The following LILRB4 variants were observed in gnomAD, a reference collection of about 807,000 sequenced individuals.
The protein encoded by LILRB4 is leukocyte immunoglobulin like receptor B4.
LILRB4 carries 49 observed loss-of-function variants against 55.2 expected under a neutral mutation model. The observed-to-expected ratio is 0.89, with a 90% CI of 0.71 to 1.13. The LOEUF (loss-of-function observed/expected upper bound fraction) is 1.13, where lower values mean the gene tolerates loss of function less well. Among genes scored for constraint, LILRB4 ranks in the 50% most tolerant of loss-of-function variants. LILRB4 has a pLI of 0.00. For missense variants in LILRB4, 590 were observed against 555.2 expected, an observed-to-expected ratio of 1.06 and a Z score of -0.63; for synonymous variants, 229 against 213.8, an observed-to-expected ratio of 1.07 and a Z score of -0.62.
intron 1 of LILRB4, 127 bp from the exon 2 acceptor site, chr19:54,663,405 C>A: frequency 7.3e-7 from 1 of 1,361,952 alleles, no homozygotes; most frequent in South Asian, 1.5e-5. Context: ...AAGATCGCAC[C>A]ACCGCACTCC....
At chr19:54,663,463 A>AAAAAAAAAAAAAAAT in intron 1 of LILRB4, 69 bp from the exon 2 acceptor site, 1 of 1,533,540 alleles carries the variant, frequency 6.5e-7, no homozygotes, top group African/African-American at 1.4e-5. Context: ...AAAAAAAAAA[A>AAAAAAAAAAAAAAAT]ATCTCAGGGT....
intron 1 of LILRB4, among the ~76,000 whole-genome samples, chr19:54,663,270 C>A (rs540117146): frequency 2.6e-5 from 4 of 151,760 alleles, no homozygotes; most frequent in Non-Finnish European, 5.9e-5. Flanking sequence ...CACGGTGAAA[C>A]CCTGTCTCTA....
chr19:54,663,792 T>C (rs771004308), exon 3 of LILRB4: 1 of 1,614,018 alleles, frequency 6.2e-7, no homozygotes, highest in Non-Finnish European at 8.5e-7. Flanking sequence ...TGAGCCAGGC[T>C]CTGTGATCAG....
intron 1 of LILRB4, 58 bp downstream of exon 1, chr19:54,663,125 C>T: frequency 6.3e-7 from 1 of 1,575,932 alleles, no homozygotes; most frequent in Non-Finnish European, 8.7e-7. Context: ...TGCCTCACAG[C>T]CAGGCCCTGG....
rs2065220029 is a variant in LILRB4, at chr19:54,665,376, C to T, written c.757+196C>T. ...TTTCAGCTCTGACTCCCAGCTGTGC[C>T]CTCCTGGGAGAGGAGGCCTCCCAGG... On this transcript the variant is annotated intron_variant, in intron 6 of 11. Transcript: ENST00000430952. The surrounding 1 kb of genome is among the most constrained non-coding windows in gnomAD (Gnocchi z 5.5). Among the ~76,000 whole-genome samples the T allele has an allele frequency of 6.6e-6, 1 of 152,064 alleles. No homozygotes were observed. The highest frequency in any genetic ancestry group is 2.4e-5 in the African/African-American group (1 of 41,404).
At chr19:54,667,773 G>A (rs762269337) in exon 11 of LILRB4, 2 of 1,611,232 alleles carry the variant, frequency 1.2e-6, no homozygotes, top group South Asian at 1.1e-5. Flanking sequence ...GGCAGAAGAG[G>A]ACAGACAGAT....
chr19:54,664,199 A>G (rs1177277796), exon 4 of LILRB4: 1 of 1,613,008 alleles, frequency 6.2e-7, no homozygotes, highest in Admixed American at 1.7e-5. Context: ...CCTACAGTAA[A>G]CCCACCCTTT....
exon 4 of LILRB4, chr19:54,664,276 C>A (rs1442580462): frequency 2.5e-6 from 4 of 1,614,032 alleles, no homozygotes; most frequent in Non-Finnish European, 3.4e-6. Context: ...TCACGGAGCC[C>A]AATGGACACT....
rs371184551 is a variant in LILRB4, at chr19:54,663,520, A to C, written c.35-12A>C. 1.9e-6 allele frequency: 3 copies of C among 1,611,920 alleles called. No homozygotes were observed. ...TTCCGGGGCAAATCCCTCACAGGGA[A>C]CTCTCTTCCAGGGCTGAGTCTGGGC... On this transcript the variant is annotated splice_polypyrimidine_tract_variant and intron_variant, in intron 1 of 11. Transcript: ENST00000430952.
At chr19:54,664,238 A>C (rs768459998) in exon 4 of LILRB4, 156 of 1,614,024 alleles carry the variant, frequency 9.7e-5, no homozygotes, top group Non-Finnish European at 1.3e-4. Context: ...TTGTGACCTC[A>C]GGAAAGAGCG....
intron 2 of LILRB4, 32 bp downstream of exon 2, chr19:54,663,599 C>G: frequency 6.2e-7 from 1 of 1,613,100 alleles, no homozygotes; most frequent in East Asian, 2.2e-5. Flanking sequence ...CCAGGTCCCT[C>G]CTCCTCACTG....
Position 54,666,497 on chromosome 19 carries a change from G to A in LILRB4, c.988+61G>A. On this transcript the variant is annotated intron_variant, in intron 9 of 11. Coordinates refer to ENST00000430952, the Ensembl canonical transcript of LILRB4. The surrounding 1 kb of genome is among the most constrained non-coding windows in gnomAD (Gnocchi z 4.8). ...AGCTGGGGGTCCCAAAATTTCAATA[G>A]CAATGGGGGCAGGAGCACAGGCTAG... The A allele has an allele frequency of 3.8e-6, 6 of 1,578,886 alleles. No individual in the cohort carries two copies. The highest frequency in any genetic ancestry group is 1.3e-5 in the African/African-American group (1 of 74,310).
rs775772819 is a variant in LILRB4 at position 54,666,264 on chromosome 19, G to A, written c.899G>A (p.Arg300His). 1.3e-5 allele frequency: 21 copies of A among 1,606,464 alleles called. No homozygotes were observed. The highest frequency in any genetic ancestry group is 9.4e-5 in the African/African-American group (7 of 74,638). ...GCCCAGAGACAGGCTGATTTCCAACGTCCTCCAGGGGCTGCCGAGCCAGAG... is the reference window on the plus strand; with the variant it reads ...GCCCAGAGACAGGCTGATTTCCAACATCCTCCAGGGGCTGCCGAGCCAGAG... Residue 300 changes from arginine to histidine, a missense_variant, in exon 8 of 12, where the codon CGT becomes CAT. Physicochemically the swap from Arg to His is conservative, Grantham distance 29. Coordinates refer to ENST00000430952, the Ensembl canonical transcript of LILRB4. This position sits in a 1 kb window ranked among gnomAD's most constrained non-coding sequence, Gnocchi z 4.8.
chr19:54,663,006 A>G (rs752778674), exon 1 of LILRB4: 1 of 1,614,030 alleles, frequency 6.2e-7, no homozygotes, highest in South Asian at 1.1e-5. Flanking sequence ...ATCCATCTGC[A>G]CAGCTGGGGC....
rs141237818 is a variant in LILRB4 at position 54,666,760 on chromosome 19, G to C, written c.1041+11G>C. On this transcript the variant is annotated intron_variant, in intron 10 of 11. Coordinates refer to ENST00000430952, the Ensembl canonical transcript of LILRB4. The surrounding 1 kb of genome is among the most constrained non-coding windows in gnomAD (Gnocchi z 4.8). ...GAAATGGACACTCGGGTGAGAACCCGCCCCTGTCCCCGGCACCAAAGGCCT... is the reference window on the plus strand; with the variant it reads ...GAAATGGACACTCGGGTGAGAACCCCCCCCTGTCCCCGGCACCAAAGGCCT... The C allele has an allele frequency of 3.7e-6, 6 of 1,613,664 alleles. No homozygotes were observed. The highest frequency in any genetic ancestry group is 1.3e-5 in the African/African-American group (1 of 74,912).
intron 2 of LILRB4, 74 bp from the exon 3 acceptor site, chr19:54,663,680 G>A (rs2065120436): frequency 1.9e-6 from 3 of 1,608,242 alleles, no homozygotes; most frequent in South Asian, 2.2e-5. Flanking sequence ...GGATGACGGG[G>A]GGGTCCTGGG....
rs1333999808 is a variant in LILRB4, at chr19:54,665,837, A to G, written c.780A>G (p.Val260=). The change falls in exon 7 of 12, where the codon GTA becomes GTG. Residue 260 remains valine, a synonymous_variant. Coordinates refer to ENST00000430952, the Ensembl canonical transcript of LILRB4. This position sits in a 1 kb window ranked among gnomAD's most constrained non-coding sequence, Gnocchi z 5.5. ...AAGGTCTGAGAAGGCACTGGGAGGT[A>G]CTGATCGGGGTCTTGGTGGTCTCCA... 1.2e-6 allele frequency: 2 copies of G among 1,611,348 alleles called. No homozygotes were observed. Among genetic ancestry groups the G allele is most frequent in the African/African-American group, 2.7e-5 (2 of 74,718 alleles).
rs1188840305 is a variant in LILRB4, at chr19:54,666,738, A to C, written c.1030A>C (p.Met344Leu). ...CACACAGCCTGAGGACGGGGTGGAA[A>C]TGGACACTCGGGTGAGAACCCGCCC... is the stretch of plus-strand genomic sequence containing the variant. The change falls in exon 10 of 12, where the codon ATG (methionine) becomes CTG (leucine). Residue 344 changes from methionine (M) to leucine (L), a missense_variant. Met to Leu is a conservative substitution (Grantham distance 15). Coordinates refer to ENST00000430952, the Ensembl canonical transcript of LILRB4. The surrounding 1 kb of genome is among the most constrained non-coding windows in gnomAD (Gnocchi z 4.8). 26 of 1,614,058 alleles carry C rather than the reference A, an allele frequency of 1.6e-5. No homozygotes were observed. The highest frequency in any genetic ancestry group is 2.7e-5 in the African/African-American group (2 of 74,930).
chr19:54,665,689 AG>A lies in LILRB4; in HGVS notation c.758-124del. On this transcript the variant is annotated intron_variant, in intron 6 of 11. Transcript: ENST00000430952. This position sits in a 1 kb window ranked among gnomAD's most constrained non-coding sequence, Gnocchi z 5.5. ...TGGGTGGAGAGAGGGTGGCAATCTC[AG>A]GTTGCACAACTGCTGTGAGGGTTGG... 1 of 1,157,312 alleles carries A rather than the reference AG, an allele frequency of 8.6e-7. No homozygotes were observed. Among genetic ancestry groups the A allele is most frequent in the South Asian group, 1.3e-5 (1 of 75,580 alleles). The allele number at this position is 1,157,312 out of a possible 1,614,324, so 71.7% of individuals were successfully genotyped here.
Sources: gnomAD v4.1 joint callset for allele counts (sites outside exome capture counted in the v4.1 genomes callset) on GRCh38, gnomAD v4.1.1 for gene constraint, Gnocchi (gnomAD v3.1) non-coding constraint, MANE v1.5 for transcripts, NCBI Gene and HGNC (gene_info 2026-07-23, HGNC 2026-07-21) for gene names.